The following AGPAT3 variants were observed in gnomAD, a reference collection of about 807,000 sequenced individuals.
AGPAT3 encodes the protein 1-acylglycerol-3-phosphate O-acyltransferase 3, also known as 1-acyl-sn-glycerol-3-phosphate acyltransferase gamma.
AGPAT3 carries 5 observed loss-of-function variants against 47.3 expected under a neutral mutation model. The observed-to-expected ratio is 0.11, with a 90% CI of 0.06 to 0.22. The LOEUF (loss-of-function observed/expected upper bound fraction) is 0.22, where lower values mean the gene tolerates loss of function less well. Ranked by LOEUF, AGPAT3 falls within the 10% of genes least tolerant of loss-of-function variation. The probability of loss-of-function intolerance (pLI) is 1.00; values close to 1 mark genes in which losing one functional copy is unlikely to be tolerated. For missense variants in AGPAT3, 315 were observed against 493.0 expected, an observed-to-expected ratio of 0.64 and a Z score of 3.42; for synonymous variants, 212 against 208.3, an observed-to-expected ratio of 1.02 and a Z score of -0.15.
intron 8 of AGPAT3, among the ~76,000 whole-genome samples, chr21:43,980,726 C>T (rs967770959): frequency 2.6e-5 from 4 of 152,200 alleles, no homozygotes. Flanking sequence ...CACAACGTTG[C>T]TTTCTTGACC....
intron 2 of AGPAT3, among the ~76,000 whole-genome samples, chr21:43,918,055 T>G (rs1214825407): frequency 2.0e-5 from 2 of 99,492 alleles, no homozygotes; most frequent in East Asian, 3.1e-4. Flanking sequence ...GTGGGGGTTG[T>G]GGGTGTTGGG....
chr21:43,957,809 C>T lies in AGPAT3; in HGVS notation c.-48-1825C>T, dbSNP rs141325670. Among the ~76,000 whole-genome samples, 53 of 152,154 alleles carry T rather than the reference C, an allele frequency of 3.5e-4. 1 individual carries two copies. The East Asian group carries it at 9.1e-3, about 26-fold the overall frequency. Reference sequence around the variant, plus strand: ...CATGGGGGTCTCGGGTTTTCCCCTCCACACTGGGGTCTCGGGTTTCCCCCT... The same window carrying T: ...CATGGGGGTCTCGGGTTTTCCCCTCTACACTGGGGTCTCGGGTTTCCCCCT... On this transcript the variant is annotated intron_variant, in intron 2 of 9. Coordinates refer to ENST00000291572, the MANE Select transcript of AGPAT3 (RefSeq NM_020132.5).
In AGPAT3 at chr21:43,954,967, G is replaced by C. The variant is rs772919102; in HGVS notation, c.-48-4667G>C. ...CAGAGACTGGCCGCTTTGTGACACC[G>C]AGGACGGTTGATAAAGTGGATTCTC... is the stretch of plus-strand genomic sequence containing the variant. On this transcript the variant is annotated intron_variant, in intron 2 of 9. Coordinates refer to ENST00000291572, the MANE Select transcript of AGPAT3 (RefSeq NM_020132.5). This position sits in a 1 kb window ranked among gnomAD's most constrained non-coding sequence, Gnocchi z 4.0. The C allele has an allele frequency of 8.2e-6, 9 of 1,096,020 alleles. No individual in the cohort carries two copies. In the South Asian group the frequency reaches 1.6e-4, roughly 20 times the overall value. 67.9% of individuals were successfully genotyped at this position (1,096,020 alleles called of 1,614,324 possible).
At chr21:43,882,889 C>T (rs1013423683) in intron 1 of AGPAT3, among the ~76,000 whole-genome samples, 1 of 152,180 alleles carries the variant, frequency 6.6e-6, no homozygotes, top group Non-Finnish European at 1.5e-5. Flanking sequence ...CTGCTGGCCA[C>T]CAAGCAGTGT....
At position 43,936,100 on chromosome 21, in the gene AGPAT3, C is replaced by T. The variant is rs545759701; in HGVS notation, c.-48-23534C>T. 6.6e-5 allele frequency among the ~76,000 whole-genome samples: 10 copies of T among 152,328 alleles called. No homozygotes were observed. In the East Asian group the frequency reaches 1.3e-3, roughly 21 times the overall value. On this transcript the variant is annotated intron_variant, in intron 2 of 9. Coordinates refer to ENST00000291572, the MANE Select transcript of AGPAT3 (RefSeq NM_020132.5). The stretch of plus-strand genomic sequence containing the variant: ...CAGCTCGGGCACCCCTGGGGACAGC[C>T]GTGGTGGTCAATCTGCTCACTTCAA...
At chr21:43,978,152 C>G in intron 8 of AGPAT3, 31 bp downstream of exon 8, 3 of 1,600,816 alleles carry the variant, frequency 1.9e-6, no homozygotes, top group Non-Finnish European at 1.7e-6. Context: ...CTCAGGGTCC[C>G]GGTCTCCTGA....
intron 2 of AGPAT3, among the ~76,000 whole-genome samples, chr21:43,949,177 A>G (rs2088059088): frequency 6.6e-6 from 1 of 152,184 alleles, no homozygotes; most frequent in Admixed American, 6.5e-5. Context: ...ATTAGGATTC[A>G]GTTATATATT....
rs758472607 is a variant in AGPAT3 at position 43,955,054 on chromosome 21, G to T, written c.-48-4580G>T. 7.4e-6 allele frequency: 9 copies of T among 1,221,850 alleles called. No homozygotes were observed. In the South Asian group the frequency reaches 1.1e-4, roughly 15 times the overall value. The allele number at this position is 1,221,850 out of a possible 1,614,324, so 75.7% of individuals were successfully genotyped here. A position where few individuals can be genotyped will look rare whatever the true frequency, so the allele number is the denominator to read the frequency against. On this transcript the variant is annotated intron_variant, in intron 2 of 9. Transcript: ENST00000291572. The surrounding 1 kb of genome is among the most constrained non-coding windows in gnomAD (Gnocchi z 4.1). ...AATGTGCATCACGGCTCTATCTGTG[G>T]CCCCCAAAGGCTGGGTGCCAGCTGC...
At chr21:43,976,267 A>G (rs1022376604) in intron 7 of AGPAT3, among the ~76,000 whole-genome samples, 1 of 151,018 alleles carries the variant, frequency 6.6e-6, no homozygotes, top group Non-Finnish European at 1.5e-5. Context: ...GGGTTTCACC[A>G]TGTTGGTCAG....
In AGPAT3 at chr21:43,880,962, GGA is replaced by G. The variant is rs1491139796; in HGVS notation, c.-112+15619_-112+15620del. Among the ~76,000 whole-genome samples the G allele has an allele frequency of 7.4e-6, 1 of 134,906 alleles. No homozygotes were observed. The highest frequency in any genetic ancestry group is 1.7e-5 in the Non-Finnish European group (1 of 60,602). 88.5% of individuals were successfully genotyped at this position (134,906 alleles called of 152,430 possible). A position where few individuals can be genotyped will look rare whatever the true frequency, so the allele number is the denominator to read the frequency against. On this transcript the variant is annotated intron_variant, in intron 1 of 9. Transcript: ENST00000291572. This position sits in a 1 kb window ranked among gnomAD's most constrained non-coding sequence, Gnocchi z 4.5. ...ACAAGTTGGTCATTCTTAATGCCAG[GGA>G]GGGGGAAGAGAGAGAAAATGAGAGA...
intron 1 of AGPAT3, among the ~76,000 whole-genome samples, chr21:43,896,320 C>CTA (rs1472282774): frequency 1.3e-5 from 2 of 152,244 alleles, no homozygotes; most frequent in East Asian, 3.8e-4. Context: ...TGCTTGATCT[C>CTA]TGTCTTCTGA....
At chr21:43,921,472 G>A (rs2086890072) in intron 2 of AGPAT3, among the ~76,000 whole-genome samples, 3 of 152,206 alleles carry the variant, frequency 2.0e-5, no homozygotes, top group South Asian at 4.1e-4. Flanking sequence ...CTGACCCGGT[G>A]GTCAGGAGCA....
rs973782378 is a variant in AGPAT3, at chr21:43,939,185, G to A, written c.-48-20449G>A. Among the ~76,000 whole-genome samples, 7 of 152,254 alleles carry A rather than the reference G, an allele frequency of 4.6e-5. No homozygotes were observed. Among genetic ancestry groups the A allele is most frequent in the African/African-American group, 1.7e-4 (7 of 41,546 alleles). ...GTGACTTTCACTTTATCCCACTGTG[G>A]CCCCGTGACCCTGAGCGAGAATGCA... On this transcript the variant is annotated intron_variant, in intron 2 of 9. Coordinates refer to ENST00000291572, the MANE Select transcript of AGPAT3 (RefSeq NM_020132.5). This position sits in a 1 kb window ranked among gnomAD's most constrained non-coding sequence, Gnocchi z 4.4.
chr21:43,914,529 GT>G (rs950147709), intron 2 of AGPAT3, among the ~76,000 whole-genome samples: 6 of 151,106 alleles, frequency 4.0e-5, no homozygotes, highest in African/African-American at 9.8e-5. Flanking sequence ...CCATGTAGAG[GT>G]TTTTTTTGTT....
In AGPAT3 at chr21:43,934,604, G is replaced by A. The variant is rs1440296816; in HGVS notation, c.-48-25030G>A. Among the ~76,000 whole-genome samples the A allele has an allele frequency of 6.6e-6, 1 of 152,200 alleles. No individual in the cohort carries two copies. Among genetic ancestry groups the A allele is most frequent in the African/African-American group, 2.4e-5 (1 of 41,446 alleles). ...GACTAGGAGGTGTGCGATGGTGATG[G>A]GGCGGAGGAGGGGACAGCGGGAACC... is the stretch of plus-strand genomic sequence containing the variant. On this transcript the variant is annotated intron_variant, in intron 2 of 9. Transcript: ENST00000291572. This position sits in a 1 kb window ranked among gnomAD's most constrained non-coding sequence, Gnocchi z 4.7.
At position 43,934,631 on chromosome 21, in the gene AGPAT3, GT is replaced by G. The variant is rs2087370578; in HGVS notation, c.-48-25002del. Among the ~76,000 whole-genome samples, 1 of 152,184 alleles carries G rather than the reference GT, an allele frequency of 6.6e-6. No homozygotes were observed. Among genetic ancestry groups the G allele is most frequent in the African/African-American group, 2.4e-5 (1 of 41,440 alleles). ...GCGGAGGAGGGGACAGCGGGAACCT[GT>G]GGAGGGGCGGGCTCAAGCCCTGGTC... On this transcript the variant is annotated intron_variant, in intron 2 of 9. Coordinates refer to ENST00000291572, the MANE Select transcript of AGPAT3 (RefSeq NM_020132.5). The surrounding 1 kb of genome is among the most constrained non-coding windows in gnomAD (Gnocchi z 4.7).
At chr21:43,964,933 G>A (rs904034324) in intron 3 of AGPAT3, 1 of 160,168 alleles carries the variant, frequency 6.2e-6, no homozygotes, top group African/African-American at 2.4e-5. Context: ...GTTTGTTTAT[G>A]TTTGTTTGTT....
intron 1 of AGPAT3, among the ~76,000 whole-genome samples, chr21:43,869,884 A>G (rs1289764962): frequency 6.6e-6 from 1 of 152,216 alleles, no homozygotes; most frequent in African/African-American, 2.4e-5. Flanking sequence ...TTATGCATGT[A>G]TTTTAGAGGT....
At chr21:43,961,245 T>C (rs1197694897) in intron 3 of AGPAT3, among the ~76,000 whole-genome samples, 1 of 152,218 alleles carries the variant, frequency 6.6e-6, no homozygotes, top group African/African-American at 2.4e-5. Context: ...TTACGTTTTA[T>C]TTCACACTCT....
Sources: gnomAD v4.1 joint callset for allele counts (sites outside exome capture counted in the v4.1 genomes callset) on GRCh38, gnomAD v4.1.1 for gene constraint, Gnocchi (gnomAD v3.1) non-coding constraint, MANE v1.5 for transcripts, NCBI Gene and HGNC (gene_info 2026-07-23, HGNC 2026-07-21) for gene names.